The following CRNN variants were observed in gnomAD, a reference collection of about 807,000 sequenced individuals.
CRNN encodes cornulin.
In CRNN, 39 loss-of-function variants were observed where a neutral mutation model predicts 44.7. The ratio of observed to expected loss-of-function variants is 0.87; its 90% CI spans 0.68 to 1.14. CRNN has a LOEUF of 1.14. Among genes scored for constraint, CRNN ranks in the 50% most tolerant of loss-of-function variants. CRNN has a pLI of 0.00. For synonymous variants in CRNN, 240 were observed against 231.8 expected (o/e 1.04, Z -0.32); for missense variants, 606 against 605.1 (o/e 1.00, Z -0.02).
rs200462707 is a variant in CRNN at position 152,410,489 on chromosome 1, C to T, written c.593G>A (p.Gly198Asp). 3 of 1,614,172 alleles carry T rather than the reference C, an allele frequency of 1.9e-6. No homozygotes were observed. Among genetic ancestry groups the T allele is most frequent in the Non-Finnish European group, 2.5e-6 (3 of 1,180,040 alleles). ...QTEQTQKAGE[G>D]KRNQTTEMRP... The stretch of plus-strand genomic sequence containing the variant: ...CATCTCTGTTGTCTGATTCCTCTTG[C>T]CTTCTCCAGCTTTCTGGGTCTGCTC... Residue 198 changes from glycine to aspartate, a missense_variant, in exon 3 of 3, where the codon GGC (glycine) becomes GAC (aspartate). Physicochemically the swap from Gly to Asp is moderately conservative, Grantham distance 94 (BLOSUM62 -1). Coordinates refer to ENST00000271835, the MANE Select transcript of CRNN (RefSeq NM_016190.3).
In CRNN at chr1:152,409,480, G is replaced by T; in HGVS notation, c.*114C>A. The T allele has an allele frequency of 6.7e-7, 1 of 1,497,796 alleles. No homozygotes were observed. The highest frequency in any genetic ancestry group is 2.4e-5 in the Admixed American group (1 of 42,206). 92.8% of individuals were successfully genotyped at this position (1,497,796 alleles called of 1,614,324 possible). On this transcript the variant is annotated 3_prime_UTR_variant, in exon 3 of 3. Transcript: ENST00000271835. Reference sequence around the variant, plus strand: ...TCATTGAGAAAGACCTAAAAGGGAAGCTGCATAATGAAGAGCTGATGTCCA... The same window carrying T: ...TCATTGAGAAAGACCTAAAAGGGAATCTGCATAATGAAGAGCTGATGTCCA...
chr1:152,411,979 C>T, intron 2 of CRNN, 117 bp downstream of exon 2: 2 of 1,151,006 alleles, frequency 1.7e-6, no homozygotes, highest in Non-Finnish European at 1.2e-6. Context: ...GCCATCTGTC[C>T]CGGCAGGCCT....
intron 2 of CRNN, among the ~76,000 whole-genome samples, chr1:152,411,378 A>G (rs1655759711): frequency 2.0e-5 from 3 of 152,278 alleles, no homozygotes; most frequent in Admixed American, 2.0e-4. Context: ...CTCCTCATTG[A>G]GGCCCAGATG....
Position 152,410,269 on chromosome 1 carries a change from G to C in CRNN, c.813C>G (p.His271Gln). The change falls in exon 3 of 3, where the codon CAC becomes CAG. Residue 271 changes from histidine to glutamine, a missense_variant. Coordinates refer to ENST00000271835, the MANE Select transcript of CRNN (RefSeq NM_016190.3). ...GGCTGGTCTGGCTCCTGCCTTGACC[G>C]TGGGTCTCAGTCCCTCTGTTCTGGT... ...TNDQNRGTETHGQGRSQTSQA... is the reference protein window; with the variant it reads ...TNDQNRGTETQGQGRSQTSQA... 6.2e-7 allele frequency: 1 copy of C among 1,613,802 alleles called. No homozygotes were observed.
intron 2 of CRNN, among the ~76,000 whole-genome samples, chr1:152,411,296 C>G (rs942360528): frequency 6.6e-6 from 1 of 152,192 alleles, no homozygotes; most frequent in Non-Finnish European, 1.5e-5. Flanking sequence ...GGCACTGAGG[C>G]CTTAGTCTCT....
At position 152,410,597 on chromosome 1, in the gene CRNN, G is replaced by A. The variant is rs759055380; in HGVS notation, c.485C>T (p.Ala162Val). Residue 162 changes from alanine (A) to valine (V), a missense_variant, in exon 3 of 3, where the codon GCG becomes GTG. Physicochemically the swap from Ala to Val is moderately conservative, Grantham distance 64. Transcript: ENST00000271835. ...TTGCCTGTCATAGCTGCTGACCCACGCAGAGCCAGTGGCCTGACCCTGGGT... is the reference window on the plus strand; with the variant it reads ...TTGCCTGTCATAGCTGCTGACCCACACAGAGCCAGTGGCCTGACCCTGGGT... ...VQTQGQATGSAWVSSYDRQAE... is the reference protein window; with the variant it reads ...VQTQGQATGSVWVSSYDRQAE... 5.6e-6 allele frequency: 9 copies of A among 1,614,044 alleles called. No homozygotes were observed. The East Asian group carries it at 6.7e-5, about 12-fold the overall frequency.
chr1:152,410,962 G>A lies in CRNN; in HGVS notation c.139-19C>T. ...GGGGTTTCTGAGGAGAAGATGAGGT[G>A]GAGTCAGCATCCCTCCCCTGAGGAG... On this transcript the variant is annotated intron_variant, in intron 2 of 2. Coordinates refer to ENST00000271835, the MANE Select transcript of CRNN (RefSeq NM_016190.3). The A allele has an allele frequency of 6.3e-7, 1 of 1,581,978 alleles. No homozygotes were observed. The highest frequency in any genetic ancestry group is 8.6e-7 in the Non-Finnish European group (1 of 1,166,302).
Position 152,410,269 on chromosome 1 carries a change from G to T in CRNN, c.813C>A (p.His271Gln). 6.2e-7 allele frequency: 1 copy of T among 1,613,802 alleles called. No individual in the cohort carries two copies. The highest frequency in any genetic ancestry group is 8.5e-7 in the Non-Finnish European group (1 of 1,179,940). Residue 271 changes from histidine (H) to glutamine (Q), a missense_variant, in exon 3 of 3, where the codon CAC (histidine) becomes CAA (glutamine). Physicochemically the swap from His to Gln is conservative, Grantham distance 24. Coordinates refer to ENST00000271835, the MANE Select transcript of CRNN (RefSeq NM_016190.3). Reference sequence around the variant, plus strand: ...GGCTGGTCTGGCTCCTGCCTTGACCGTGGGTCTCAGTCCCTCTGTTCTGGT... The same window carrying T: ...GGCTGGTCTGGCTCCTGCCTTGACCTTGGGTCTCAGTCCCTCTGTTCTGGT... ...TNDQNRGTET[H>Q]GQGRSQTSQA...
intron 2 of CRNN, 53 bp downstream of exon 2, chr1:152,412,043 C>T: frequency 6.6e-7 from 1 of 1,525,326 alleles, no homozygotes; most frequent in Non-Finnish European, 8.9e-7. Context: ...GCAGGCAAAC[C>T]AGGTTTCACT....
Position 152,409,832 on chromosome 1 carries a change from C to T in CRNN, c.1250G>A (p.Trp417Ter), listed in dbSNP as rs752137527. 1.9e-6 allele frequency: 3 copies of T among 1,614,086 alleles called. No homozygotes were observed. In the African/African-American group the frequency reaches 4.0e-5, roughly 22 times the overall value. The change falls in exon 3 of 3, where the codon TGG becomes TAG. Residue 417 changes from tryptophan (W) to a stop codon, truncating the protein, a stop_gained. Transcript: ENST00000271835. LOFTEE classifies it high-confidence loss of function. Reference protein sequence around the residue: ...GASTESGRQEWSSTHPRRCVT... With the variant: ...GASTESGRQE Reference sequence around the variant, plus strand: ...ACAGCGCCTTGGGTGAGTGCTGCTCCACTCCTGCCTTCCTGACTCAGTGCT... The same window carrying T: ...ACAGCGCCTTGGGTGAGTGCTGCTCTACTCCTGCCTTCCTGACTCAGTGCT...
chr1:152,413,808 G>T (rs1020327757), intron 1 of CRNN, among the ~76,000 whole-genome samples: 1 of 152,146 alleles, frequency 6.6e-6, no homozygotes, highest in East Asian at 1.9e-4. Flanking sequence ...TGGTGTAGGA[G>T]AGGGGAATCA....
Position 152,410,662 on chromosome 1 carries a change from G to T in CRNN, c.420C>A (p.Ser140Arg), listed in dbSNP as rs1040471999. Residue 140 changes from serine to arginine, a missense_variant, in exon 3 of 3, where the codon AGC (serine) becomes AGA (arginine). By Grantham distance (110) the Ser-to-Arg change is moderately radical. Coordinates refer to ENST00000271835, the MANE Select transcript of CRNN (RefSeq NM_016190.3). ...TGTTCTGCCCTCTGGAACCCTGCTG[G>T]CTCTGTCTGTGGCTGCTCCCCTCAT... ...QHYEGSSHRQ[S>R]QQGSRGQNRP... The T allele has an allele frequency of 1.2e-6, 2 of 1,613,892 alleles. No individual in the cohort carries two copies. Among genetic ancestry groups the T allele is most frequent in the Non-Finnish European group, 1.7e-6 (2 of 1,179,978 alleles).
chr1:152,410,935 G>A lies in CRNN; in HGVS notation c.147C>T (p.His49=), dbSNP rs767534911. The change falls in exon 3 of 3, where the codon CAC becomes CAT. Residue 49 remains histidine (H), a synonymous_variant. Coordinates refer to ENST00000271835, the MANE Select transcript of CRNN (RefSeq NM_016190.3). Reference sequence around the variant, plus strand: ...GGACCTCATCCACAGTTGCTGGATCGTGGGGTTTCTGAGGAGAAGATGAGG... The same window carrying A: ...GGACCTCATCCACAGTTGCTGGATCATGGGGTTTCTGAGGAGAAGATGAGG... ...QEFADVIVKP[H]DPATVDEVLR... 19 of 1,605,602 alleles carry A rather than the reference G, an allele frequency of 1.2e-5. No individual in the cohort carries two copies. Among genetic ancestry groups the A allele is most frequent in the Admixed American group, 3.4e-5 (2 of 59,474 alleles).
At position 152,409,782 on chromosome 1, in the gene CRNN, G is replaced by A; in HGVS notation, c.1300C>T (p.Gln434Ter). ...RCVTEGQGDR[Q>*]PTVVGEEWVD... ...CATTCCTCACCAACCACTGTGGGCT[G>A]TCTGTCTCCCTGCCCTTCTGTCACA... The change falls in exon 3 of 3, where the codon CAG becomes TAG. Residue 434 changes from glutamine to a stop codon, truncating the protein, a stop_gained. Coordinates refer to ENST00000271835, the MANE Select transcript of CRNN (RefSeq NM_016190.3). LOFTEE classifies it high-confidence loss of function. 8 of 1,614,200 alleles carry A rather than the reference G, an allele frequency of 5.0e-6. No individual in the cohort carries two copies. Among genetic ancestry groups the A allele is most frequent in the East Asian group, 2.2e-5 (1 of 44,882 alleles).
chr1:152,409,896 C>T lies in CRNN; in HGVS notation c.1186G>A (p.Gly396Arg), dbSNP rs762622066. The T allele has an allele frequency of 1.1e-5, 17 of 1,614,238 alleles. No individual in the cohort carries two copies. Among genetic ancestry groups the T allele is most frequent in the Non-Finnish European group, 1.4e-5 (17 of 1,180,046 alleles). The change falls in exon 3 of 3, where the codon GGA (glycine) becomes AGA (arginine). Residue 396 changes from glycine to arginine, a missense_variant. Physicochemically the swap from Gly to Arg is moderately radical, Grantham distance 125. Coordinates refer to ENST00000271835, the MANE Select transcript of CRNN (RefSeq NM_016190.3). ...GCCTGTCCTCCCGGTACTGTCTCTC[C>T]TGCCTCAGGGTTGCTCACTTGCATC... ...RWMQVSNPEA[G>R]ETVPGGQAQT...
chr1:152,411,170 G>T (rs978029100), intron 2 of CRNN, among the ~76,000 whole-genome samples: 2 of 152,066 alleles, frequency 1.3e-5, no homozygotes, highest in Non-Finnish European at 2.9e-5. Context: ...ACAATTTCTG[G>T]GCTACAGGAA....
Position 152,409,436 on chromosome 1 carries a change from G to A in CRNN, c.*158C>T. 1 of 1,329,632 alleles carries A rather than the reference G, an allele frequency of 7.5e-7. No homozygotes were observed. Among genetic ancestry groups the A allele is most frequent in the Non-Finnish European group, 1.0e-6 (1 of 999,370 alleles). The allele number at this position is 1,329,632 out of a possible 1,614,324, so 82.4% of individuals were successfully genotyped here. A position where few individuals can be genotyped will look rare whatever the true frequency, so the allele number is the denominator to read the frequency against. On this transcript the variant is annotated 3_prime_UTR_variant, in exon 3 of 3. Transcript: ENST00000271835. The stretch of plus-strand genomic sequence containing the variant: ...AAGAAAGAAGAGTTCAGGATAGAAA[G>A]CTCCTTGCAGAAATTATCTCATTGA...
chr1:152,409,700 T>G lies in CRNN; in HGVS notation c.1382A>C (p.His461Pro). Residue 461 changes from histidine to proline, a missense_variant, in exon 3 of 3, where the codon CAT becomes CCT. Transcript: ENST00000271835. ...VILRLDQGNL[H>P]TSVSSAQGQD... The stretch of plus-strand genomic sequence containing the variant: ...GCCCTGTGCTGAGGAAACACTGGTA[T>G]GCAAGTTGCCCTGGTCCAGCCTGAG... The G allele has an allele frequency of 6.2e-7, 1 of 1,614,248 alleles. No individual in the cohort carries two copies. Among genetic ancestry groups the G allele is most frequent in the South Asian group, 1.1e-5 (1 of 91,088 alleles).
At chr1:152,410,977 C>A (rs779783544) in intron 2 of CRNN, 34 bp from the exon 3 acceptor site, 1 of 1,564,708 alleles carries the variant, frequency 6.4e-7, no homozygotes, top group Non-Finnish European at 8.6e-7. Context: ...CAGCATCCCT[C>A]CCCTGAGGAG....
Sources: gnomAD v4.1 joint callset for allele counts (sites outside exome capture counted in the v4.1 genomes callset) on GRCh38, gnomAD v4.1.1 for gene constraint, MANE v1.5 for transcripts, NCBI Gene and HGNC (gene_info 2026-07-23, HGNC 2026-07-21) for gene names.